Variants in FEZ1 observed in about 807,000 individuals in gnomAD.
The protein encoded by FEZ1 is fasciculation and elongation protein zeta-1.
Under a neutral mutation model 49.3 loss-of-function variants are expected in FEZ1, and 20 were observed. The ratio of observed to expected loss-of-function variants is 0.41; its 90% confidence interval spans 0.29 to 0.59. The LOEUF (loss-of-function observed/expected upper bound fraction) is 0.59. FEZ1 is among the 20% of genes least tolerant of loss of function. The pLI is 0.36. For missense variants in FEZ1, 413 were observed against 476.0 expected (o/e 0.87, Z 1.23); for synonymous variants, 170 against 180.9 (o/e 0.94, Z 0.48).
chr11:125,447,228 T>C (rs964178274), intron 9 of FEZ1, among the ~76,000 whole-genome samples: 10 of 152,212 alleles, frequency 6.6e-5, no homozygotes, highest in African/African-American at 2.2e-4. Context: ...CTTCCAGTTC[T>C]ATCAGTTCAC....
chr11:125,455,571 G>T (rs1378704182), intron 6 of FEZ1: 5 of 513,130 alleles, frequency 9.7e-6, no homozygotes, highest in Non-Finnish European at 1.4e-5. Context: ...CTTTCTTTAA[G>T]GTCTTGCCTA....
chr11:125,488,428 C>G (rs945356188), intron 2 of FEZ1, among the ~76,000 whole-genome samples: 11 of 152,196 alleles, frequency 7.2e-5, no homozygotes, highest in African/African-American at 2.7e-4. Context: ...CGCCTGTAAT[C>G]CCAGCACTTT....
At chr11:125,483,984 C>T (rs1334530099) in intron 2 of FEZ1, among the ~76,000 whole-genome samples, 1 of 152,188 alleles carries the variant, frequency 6.6e-6, no homozygotes, top group Non-Finnish European at 1.5e-5. Flanking sequence ...CTTTTATCTT[C>T]TCAGGATTTC....
rs1285823534 is a variant in FEZ1, at chr11:125,443,936, T to C, written c.*2159A>G. 6.6e-6 allele frequency among the ~76,000 whole-genome samples: 1 copy of C among 152,168 alleles called. No individual in the cohort carries two copies. The stretch of plus-strand genomic sequence containing the variant: ...GGGGGAAAGGAGTGGCTGACCCAGA[T>C]CTGACAAATCCAAGGCAGGAAGAAA... On this transcript the variant is annotated 3_prime_UTR_variant, in exon 10 of 10. Transcript: ENST00000278919.
chr11:125,492,130 T>A (rs1287823256), intron 1 of FEZ1, among the ~76,000 whole-genome samples: 1 of 152,234 alleles, frequency 6.6e-6, no homozygotes, highest in Non-Finnish European at 1.5e-5. Flanking sequence ...TTTTATTCTT[T>A]TTTTATACTA....
chr11:125,495,799 GAC>G lies in FEZ1; in HGVS notation c.-46+320_-46+321del, dbSNP rs10524234. 7,789 of 308,118 alleles carry G rather than the reference GAC, an allele frequency of 0.025. 121 individuals are homozygous for G. The highest frequency in any genetic ancestry group is 0.071 in the African/African-American group (3,065 of 43,132). The allele number at this position is 308,118 out of a possible 1,614,324, so 19.1% of individuals were successfully genotyped here. ...GCACACACGCGGGCACACACACGCG[GAC>G]ACACACACACACACACACACACACA... On this transcript the variant is annotated intron_variant, in intron 1 of 9. Coordinates refer to ENST00000278919, the MANE Select transcript of FEZ1 (RefSeq NM_005103.5). The surrounding 1 kb of genome is among the most constrained non-coding windows in gnomAD (Gnocchi z 4.2).
At position 125,444,477 on chromosome 11, in the gene FEZ1, C is replaced by G. The variant is rs1039935903; in HGVS notation, c.*1618G>C. On this transcript the variant is annotated 3_prime_UTR_variant, in exon 10 of 10. Coordinates refer to ENST00000278919, the MANE Select transcript of FEZ1 (RefSeq NM_005103.5). ...CTGCATGCCTGTAATCCCAGCTACT[C>G]GGGAGGCTGAGGCAGGAGAATCACT... 6.6e-6 allele frequency among the ~76,000 whole-genome samples: 1 copy of G among 151,998 alleles called. No homozygotes were observed. Among genetic ancestry groups the G allele is most frequent in the Non-Finnish European group, 1.5e-5 (1 of 68,000 alleles).
At chr11:125,466,544 C>T (rs1287086947) in intron 3 of FEZ1, among the ~76,000 whole-genome samples, 2 of 151,822 alleles carry the variant, frequency 1.3e-5, no homozygotes, top group Non-Finnish European at 2.9e-5. Context: ...CTATGCTTTT[C>T]CAAGAAAAGT....
rs1214204740 is a variant in FEZ1 at position 125,444,204 on chromosome 11, A to G, written c.*1891T>C. Among the ~76,000 whole-genome samples the G allele has an allele frequency of 6.6e-6, 1 of 152,178 alleles. No homozygotes were observed. The highest frequency in any genetic ancestry group is 1.5e-5 in the Non-Finnish European group (1 of 68,028). Reference sequence around the variant, plus strand: ...AGCTCTGCTCTGGGCAGATGCCTGGACTAGAGCTTTAGGCATTGCAGCAGT... The same window carrying G: ...AGCTCTGCTCTGGGCAGATGCCTGGGCTAGAGCTTTAGGCATTGCAGCAGT... On this transcript the variant is annotated 3_prime_UTR_variant, in exon 10 of 10. Coordinates refer to ENST00000278919, the MANE Select transcript of FEZ1 (RefSeq NM_005103.5).
rs756866209 is a variant in FEZ1 at position 125,495,654 on chromosome 11, C to A, written c.-46+467G>T. The A allele has an allele frequency of 2.4e-6, 1 of 422,432 alleles. No homozygotes were observed. The highest frequency in any genetic ancestry group is 1.7e-5 in the South Asian group (1 of 58,002). The allele number at this position is 422,432 out of a possible 1,614,324, so 26.2% of individuals were successfully genotyped here. On this transcript the variant is annotated intron_variant, in intron 1 of 9. Transcript: ENST00000278919. This position sits in a 1 kb window ranked among gnomAD's most constrained non-coding sequence, Gnocchi z 4.2. ...GACAAAGATGATCTTGGGGCGTTTACGGTGACTGGACCAGATAACGGTCCC... is the reference window on the plus strand; with the variant it reads ...GACAAAGATGATCTTGGGGCGTTTAAGGTGACTGGACCAGATAACGGTCCC...
At chr11:125,456,916 G>A (rs1957015817) in intron 5 of FEZ1, among the ~76,000 whole-genome samples, 1 of 152,142 alleles carries the variant, frequency 6.6e-6, no homozygotes, top group African/African-American at 2.4e-5. Flanking sequence ...AGGAGCAGTG[G>A]CTCATGCCTG....
intron 3 of FEZ1, among the ~76,000 whole-genome samples, chr11:125,470,484 A>C (rs1478677664): frequency 6.6e-6 from 1 of 152,212 alleles, no homozygotes; most frequent in African/African-American, 2.4e-5. Context: ...TCTAGAAAGC[A>C]AAAACAGAAG....
rs184744376 is a variant in FEZ1, at chr11:125,463,490, T to C, written c.492A>G (p.Ala164=). ...CCTGGAGAGATACTTATACCTGATC[T>C]GCTGTGAGCAGAGGCTCCTCGTTGA... is the stretch of plus-strand genomic sequence containing the variant. ...SGINEEPLLT[A]DQVIEEIEEM... The change falls in exon 4 of 10, where the codon GCA becomes GCG. Residue 164 remains alanine, a synonymous_variant. Transcript: ENST00000278919. 15 of 1,588,746 alleles carry C rather than the reference T, an allele frequency of 9.4e-6. No individual in the cohort carries two copies. Among genetic ancestry groups the C allele is most frequent in the Admixed American group, 6.7e-5 (4 of 59,986 alleles).
intron 3 of FEZ1, among the ~76,000 whole-genome samples, chr11:125,480,182 C>G (rs553323795): frequency 1.3e-5 from 2 of 152,206 alleles, no homozygotes; most frequent in Admixed American, 1.3e-4. Context: ...TTGAAACCAG[C>G]CTTGGTAACA....
At chr11:125,492,334 G>A (rs1957390237) in intron 1 of FEZ1, among the ~76,000 whole-genome samples, 1 of 152,164 alleles carries the variant, frequency 6.6e-6, no homozygotes, top group South Asian at 2.1e-4. Flanking sequence ...GCTCTTTGAA[G>A]GTAACTATAT....
In FEZ1 at chr11:125,463,230, C is replaced by G. The variant is rs527725653; in HGVS notation, c.498+254G>C. The G allele has an allele frequency of 1.3e-4, 29 of 223,378 alleles. 1 individual carries two copies. In the South Asian group the frequency reaches 2.6e-3, roughly 20 times the overall value. The allele number at this position is 223,378 out of a possible 1,614,324, so 13.8% of individuals were successfully genotyped here. On this transcript the variant is annotated intron_variant, in intron 4 of 9. Transcript: ENST00000278919. ...CTGAGGCAGGAAAGTCACTTGAATC[C>G]GGGAGGCAGAGGTTGCAATGAGCCA...
At chr11:125,470,228 A>T (rs1414844765) in intron 3 of FEZ1, among the ~76,000 whole-genome samples, 4 of 152,212 alleles carry the variant, frequency 2.6e-5, no homozygotes, top group Non-Finnish European at 5.9e-5. Context: ...ATCAGAATTC[A>T]TTTAAAAACT....
chr11:125,487,655 C>T (rs1957337716), intron 2 of FEZ1, among the ~76,000 whole-genome samples: 1 of 152,258 alleles, frequency 6.6e-6, no homozygotes, highest in South Asian at 2.1e-4. Flanking sequence ...GTGATCATAC[C>T]TTCCGGCCAG....
chr11:125,493,409 A>AGAAAGAAAGAAGGAAAGAAG (rs1957409889), intron 1 of FEZ1, among the ~76,000 whole-genome samples: 1 of 68,352 alleles, frequency 1.5e-5, no homozygotes, highest in Admixed American at 1.8e-4. Context: ...AAAGAAAGAA[A>AGAAAGAAAGAAGGAAAGAAG]GAAAGAAAGA....
Sources: gnomAD v4.1 joint callset for allele counts (sites outside exome capture counted in the v4.1 genomes callset) on GRCh38, gnomAD v4.1.1 for gene constraint, Gnocchi (gnomAD v3.1) non-coding constraint, MANE v1.5 for transcripts, NCBI Gene and HGNC (gene_info 2026-07-23, HGNC 2026-07-21) for gene names.